AHCTF1: variants seen among roughly 807,000 people sequenced by gnomAD.
The protein encoded by AHCTF1 is protein ELYS.
In AHCTF1, 24 loss-of-function variants were observed where a neutral mutation model predicts 248.4. The observed-to-expected ratio is 0.10, with a 90% CI of 0.07 to 0.14. The LOEUF (loss-of-function observed/expected upper bound fraction) is 0.14. AHCTF1 is among the 10% of genes least tolerant of loss of function. The probability of loss-of-function intolerance (pLI) is 1.00; values close to 1 mark genes in which losing one functional copy is unlikely to be tolerated. For missense variants in AHCTF1, 2,206 were observed against 2,636.2 expected (o/e 0.84, Z 3.57); for synonymous variants, 786 against 929.8 (o/e 0.85, Z 2.81).
At chr1:246,841,641 T>C (rs568353997) in intron 35 of AHCTF1, among the ~76,000 whole-genome samples, 13 of 152,292 alleles carry the variant, frequency 8.5e-5, no homozygotes, top group African/African-American at 2.9e-4. Flanking sequence ...TTTTAAAGTG[T>C]ATAATTGTTT....
intron 24 of AHCTF1, among the ~76,000 whole-genome samples, chr1:246,868,846 G>GTT (rs563383895): frequency 3.9e-5 from 5 of 128,830 alleles, no homozygotes; most frequent in African/African-American, 6.0e-5. Flanking sequence ...TGTGTTTTTT[G>GTT]TTTTTTTTTT....
At chr1:246,893,554 T>C (rs766512918) in intron 14 of AHCTF1, among the ~76,000 whole-genome samples, 25 of 152,326 alleles carry the variant, frequency 1.6e-4, no homozygotes, top group Non-Finnish European at 8.8e-5. Context: ...GACATGATAG[T>C]TTTTAATATT....
intron 1 of AHCTF1, chr1:246,931,000 A>G (rs78510255): frequency 0.013 from 16,127 of 1,285,004 alleles, 375 homozygotes; most frequent in African/African-American, 0.097. Flanking sequence ...TTTCCCAGGT[A>G]GGAAAAAGGA....
chr1:246,913,615 C>T lies in AHCTF1; in HGVS notation c.376-203G>A, dbSNP rs558417670. ...CATTACTCAATACATAGAAAAATCA[C>T]GCAGTTGGACTAACAATTGATGTTG... is the stretch of plus-strand genomic sequence containing the variant. On this transcript the variant is annotated intron_variant, in intron 3 of 35. Coordinates refer to ENST00000648844, the MANE Select transcript of AHCTF1 (RefSeq NM_001323342.2). 2.6e-5 allele frequency among the ~76,000 whole-genome samples: 4 copies of T among 152,284 alleles called. No homozygotes were observed. The East Asian group carries it at 5.8e-4, about 22-fold the overall frequency.
intron 12 of AHCTF1, among the ~76,000 whole-genome samples, chr1:246,897,360 T>TATA (rs2103159062): frequency 6.6e-6 from 1 of 152,284 alleles, no homozygotes; most frequent in East Asian, 1.9e-4. Flanking sequence ...AAAAGTCTAT[T>TATA]ATTTGCTGAT....
chr1:246,905,968 G>GTTA (rs1012412761), intron 5 of AHCTF1, among the ~76,000 whole-genome samples: 4 of 152,124 alleles, frequency 2.6e-5, no homozygotes, highest in African/African-American at 9.7e-5. Context: ...ACTGGGGAGT[G>GTTA]TTAGAATTAC....
intron 3 of AHCTF1, among the ~76,000 whole-genome samples, chr1:246,914,423 C>T (rs879247992): frequency 1.3e-5 from 2 of 152,186 alleles, no homozygotes; most frequent in Admixed American, 1.3e-4. Flanking sequence ...CTGTAACTTA[C>T]TACAGACAAA....
rs1663040331 is a variant in AHCTF1, at chr1:246,877,248, T to C, written c.2715A>G (p.Ile905Met). The C allele has an allele frequency of 1.2e-6, 2 of 1,612,468 alleles. No homozygotes were observed. Among genetic ancestry groups the C allele is most frequent in the East Asian group, 4.5e-5 (2 of 44,856 alleles). The change falls in exon 22 of 36, where the codon ATA becomes ATG. Residue 905 changes from isoleucine to methionine, a missense_variant. Around this residue, in one of 6 missense-constraint regions of AHCTF1, gnomAD observed 955 missense variants for 1,055.6 expected, o/e 0.90. Transcript: ENST00000648844. ...CATACATGTGCTTCAGTAACTCCTC[T>C]ATATTCAACCTATTGCAATGTTGCC... is the stretch of plus-strand genomic sequence containing the variant. ...FLRQHCNRLN[I>M]EELLKHMYEV...
intron 17 of AHCTF1, among the ~76,000 whole-genome samples, chr1:246,889,286 T>G (rs1050096639): frequency 1.0e-5 from 1 of 98,758 alleles, no homozygotes; most frequent in Non-Finnish European, 2.4e-5. Flanking sequence ...TTTTTTCCCC[T>G]GATTTCCTTT....
rs1445117334 is a variant in AHCTF1, at chr1:246,902,757, G to A, written c.967-82C>T. On this transcript the variant is annotated intron_variant, in intron 7 of 35. Transcript: ENST00000648844. ...AAATTAAATATTCTCCAAATTTAAA[G>A]ATTGTTCACACAATACAAAGAAAAC... 14 of 1,334,960 alleles carry A rather than the reference G, an allele frequency of 1.0e-5. No homozygotes were observed. The East Asian group carries it at 3.0e-4, about 28-fold the overall frequency. The allele number at this position is 1,334,960 out of a possible 1,614,324, so 82.7% of individuals were successfully genotyped here.
intron 24 of AHCTF1, among the ~76,000 whole-genome samples, chr1:246,868,115 C>G (rs1265223802): frequency 3.3e-5 from 5 of 150,644 alleles, no homozygotes; most frequent in Non-Finnish European, 5.9e-5. Flanking sequence ...GGCATGGCCA[C>G]CAAGCCCGGC....
chr1:246,921,333 G>A (rs1666538320), intron 1 of AHCTF1, among the ~76,000 whole-genome samples: 1 of 152,134 alleles, frequency 6.6e-6, no homozygotes, highest in African/African-American at 2.4e-5. Flanking sequence ...CTAGAACTTG[G>A]TGCTGAGTAC....
chr1:246,883,234 T>C (rs777880388), intron 21 of AHCTF1, among the ~76,000 whole-genome samples: 1 of 152,158 alleles, frequency 6.6e-6, no homozygotes, highest in Non-Finnish European at 1.5e-5. Context: ...ATCAAATCAT[T>C]TGGGTGTTGG....
intron 13 of AHCTF1, 130 bp from the exon 14 acceptor site, chr1:246,894,878 G>T (rs1664460411): frequency 1.4e-6 from 1 of 720,582 alleles, no homozygotes. Context: ...GAGGCAACTT[G>T]GGAAAATGGA....
rs374352059 is a variant in AHCTF1, at chr1:246,899,522, A to T, written c.1433-10T>A. The T allele has an allele frequency of 3.7e-6, 6 of 1,603,700 alleles. No individual in the cohort carries two copies. Among genetic ancestry groups the T allele is most frequent in the Non-Finnish European group, 5.1e-6 (6 of 1,174,442 alleles). On this transcript the variant is annotated splice_polypyrimidine_tract_variant and intron_variant, in intron 10 of 35. Transcript: ENST00000648844. ...AACAAACAAGTGGCATCTAAAAAAA[A>T]GATTTAAAAAATAATCCACTTACAT...
chr1:246,911,773 G>A (rs1024359814), intron 4 of AHCTF1, among the ~76,000 whole-genome samples: 6 of 152,066 alleles, frequency 3.9e-5, no homozygotes, highest in African/African-American at 1.4e-4. Flanking sequence ...CATGAGCCAC[G>A]GCGCCCAGCT....
At chr1:246,930,487 G>A (rs1667267755) in intron 1 of AHCTF1, among the ~76,000 whole-genome samples, 1 of 151,876 alleles carries the variant, frequency 6.6e-6, no homozygotes, top group Non-Finnish European at 1.5e-5. Context: ...ACCTTAACTG[G>A]GCTTGTCATC....
intron 4 of AHCTF1, among the ~76,000 whole-genome samples, chr1:246,909,823 A>C (rs948272294): frequency 6.6e-6 from 1 of 152,194 alleles, no homozygotes; most frequent in Admixed American, 6.5e-5. Flanking sequence ...TATCCTGTAC[A>C]CTGTAGGACG....
chr1:246,898,885 C>G (rs562542569), intron 11 of AHCTF1, among the ~76,000 whole-genome samples: 1 of 152,120 alleles, frequency 6.6e-6, no homozygotes. Flanking sequence ...GTCAGGAGTT[C>G]GAGACCAGCC....
Sources: gnomAD v4.1 joint callset for allele counts (sites outside exome capture counted in the v4.1 genomes callset) on GRCh38, gnomAD v4.1.1 for gene constraint, gnomAD v4.1.1 regional missense constraint, MANE v1.5 for transcripts, NCBI Gene and HGNC (gene_info 2026-07-23, HGNC 2026-07-21) for gene names.